AK7: variants seen among roughly 807,000 people sequenced by gnomAD.
The protein encoded by AK7 is adenylate kinase 7.
In AK7, 78 loss-of-function variants were observed where a neutral mutation model predicts 96.6. The ratio of observed to expected loss-of-function variants is 0.81; its 90% CI spans 0.67 to 0.97. The LOEUF (loss-of-function observed/expected upper bound fraction) is 0.97. Among genes scored for constraint, AK7 ranks in the 50% least tolerant of loss-of-function variants. The pLI is 0.00. For missense variants in AK7, 855 were observed against 887.9 expected, an observed-to-expected ratio of 0.96 and a Z score of 0.47; for synonymous variants, 302 against 317.2, an observed-to-expected ratio of 0.95 and a Z score of 0.51.
intron 5 of AK7, among the ~76,000 whole-genome samples, chr14:96,428,969 T>G (rs961262845): frequency 2.0e-5 from 3 of 152,234 alleles, no homozygotes; most frequent in Non-Finnish European, 4.4e-5. Flanking sequence ...TTAGTTTAGT[T>G]AGATCCCATT....
At chr14:96,442,371 C>G (rs1566787120) in intron 6 of AK7, among the ~76,000 whole-genome samples, 1 of 152,236 alleles carries the variant, frequency 6.6e-6, no homozygotes, top group Non-Finnish European at 1.5e-5. Flanking sequence ...AACATTTCTT[C>G]TCTATGTGAA....
chr14:96,434,422 G>C (rs914491850), intron 5 of AK7, among the ~76,000 whole-genome samples: 22 of 149,440 alleles, frequency 1.5e-4, no homozygotes, highest in South Asian at 6.5e-4. Context: ...CTGTCTGTCT[G>C]TCTCTCTCTC....
At position 96,420,876 on chromosome 14, in the gene AK7, C is replaced by A; in HGVS notation, c.553C>A (p.Pro185Thr). ...AGATTATCGAAGAAGAAAGTCTCAT[C>A]CTAATTTTCTGGACCACATAAATGC... ...EEDYRRRKSH[P>T]NFLDHINAEK... Residue 185 changes from proline to threonine, a missense_variant, in exon 5 of 18, where the codon CCT becomes ACT. Physicochemically the swap from Pro to Thr is conservative, Grantham distance 38. Transcript: ENST00000267584. 1.9e-6 allele frequency: 3 copies of A among 1,613,748 alleles called. No individual in the cohort carries two copies. The highest frequency in any genetic ancestry group is 1.3e-5 in the African/African-American group (1 of 75,018).
intron 10 of AK7, among the ~76,000 whole-genome samples, chr14:96,454,547 G>A (rs529465855): frequency 9.9e-5 from 15 of 151,896 alleles, no homozygotes; most frequent in South Asian, 8.3e-4. Flanking sequence ...GTAGGACCAC[G>A]ACTCACTGCA....
Position 96,395,800 on chromosome 14 carries a change from ATTTTTTT to A in AK7, c.106-2251_106-2245del, listed in dbSNP as rs1172936912. Among the ~76,000 whole-genome samples, 7 of 69,038 alleles carry A rather than the reference ATTTTTTT, an allele frequency of 1.0e-4. No homozygotes were observed. In the East Asian group the frequency reaches 1.5e-3, roughly 15 times the overall value. 45.3% of individuals were successfully genotyped at this position (69,038 alleles called of 152,430 possible). On this transcript the variant is annotated intron_variant, in intron 1 of 17. Transcript: ENST00000267584. ...TAAATTAATCCCCTTTTGATTTTGA[ATTTTTTT>A]TTTTTTTTTTTTTTTTTTTTTTTGA...
intron 11 of AK7, 151 bp from the exon 12 acceptor site, chr14:96,457,932 T>C (rs1450306387): frequency 3.2e-6 from 3 of 936,994 alleles, no homozygotes; most frequent in Non-Finnish European, 4.9e-6. Flanking sequence ...TTTGTGGATA[T>C]GTGCATCCTG....
At chr14:96,488,181 G>A (rs972673593) in intron 17 of AK7, 124 bp from the exon 18 acceptor site, 2 of 816,090 alleles carry the variant, frequency 2.5e-6, no homozygotes, top group African/African-American at 3.5e-5. Context: ...CCAAAGTGCT[G>A]GGATTACAGG....
chr14:96,433,612 C>T (rs986997087), intron 5 of AK7, among the ~76,000 whole-genome samples: 11 of 152,102 alleles, frequency 7.2e-5, no homozygotes, highest in Non-Finnish European at 1.3e-4. Flanking sequence ...GCGATGTGTT[C>T]GAACATCCTC....
At chr14:96,471,940 A>AGG (rs1894917249) in intron 13 of AK7, among the ~76,000 whole-genome samples, 1 of 152,158 alleles carries the variant, frequency 6.6e-6, no homozygotes, top group African/African-American at 2.4e-5. Flanking sequence ...GCACACCTCT[A>AGG]GAGCTTATGC....
In AK7 at chr14:96,404,818, T is replaced by A; in HGVS notation, c.356T>A (p.Ile119Asn). 6.2e-7 allele frequency: 1 copy of A among 1,611,044 alleles called. No homozygotes were observed. The highest frequency in any genetic ancestry group is 2.2e-5 in the East Asian group (1 of 44,828). Residue 119 changes from isoleucine to asparagine, a missense_variant, in exon 3 of 18, where the codon ATC becomes AAC. Ile to Asn is a moderately radical substitution (Grantham distance 149, BLOSUM62 -3). Coordinates refer to ENST00000267584, the MANE Select transcript of AK7 (RefSeq NM_152327.5). ...GAGTGTGATGTTATTATTTATAACA[T>A]CACTGAGAGCTCACAGCAAATGGAG... ...LLECDVIIYN[I>N]TESSQQMEEA... is the part of the protein sequence containing the mutation.
intron 12 of AK7, among the ~76,000 whole-genome samples, chr14:96,470,384 A>C (rs1894818206): frequency 6.6e-6 from 1 of 152,188 alleles, no homozygotes; most frequent in South Asian, 2.1e-4. Context: ...TAACTTGTCA[A>C]ACTTACATTA....
chr14:96,488,265 T>C (rs1275323968), intron 17 of AK7, 40 bp from the exon 18 acceptor site: 7 of 1,567,282 alleles, frequency 4.5e-6, no homozygotes, highest in Non-Finnish European at 4.4e-6. Flanking sequence ...TGACTAATAA[T>C]AACTTGTAAA....
chr14:96,396,250 T>C (rs1216062656), intron 1 of AK7, among the ~76,000 whole-genome samples: 2 of 152,206 alleles, frequency 1.3e-5, no homozygotes, highest in Non-Finnish European at 2.9e-5. Context: ...AATTTTCTAG[T>C]TGGTCCTTAA....
At chr14:96,407,828 G>A (rs1890811563) in intron 3 of AK7, among the ~76,000 whole-genome samples, 2 of 151,872 alleles carry the variant, frequency 1.3e-5, no homozygotes, top group South Asian at 2.1e-4. Context: ...TGATCCGCCC[G>A]CCTCGGCCTC....
intron 5 of AK7, among the ~76,000 whole-genome samples, chr14:96,422,937 G>A (rs1359012605): frequency 6.6e-6 from 1 of 152,028 alleles, no homozygotes; most frequent in Admixed American, 6.6e-5. Context: ...TTTCATTCAG[G>A]GTTTTTATTT....
At chr14:96,408,149 G>A (rs746981617) in intron 3 of AK7, among the ~76,000 whole-genome samples, 4 of 152,182 alleles carry the variant, frequency 2.6e-5, no homozygotes, top group Non-Finnish European at 5.9e-5. Flanking sequence ...GGCACACCCC[G>A]AATTACTTCC....
At chr14:96,474,446 TAA>T (rs1170896129) in intron 14 of AK7, among the ~76,000 whole-genome samples, 27 of 101,444 alleles carry the variant, frequency 2.7e-4, no homozygotes, top group Admixed American at 5.4e-4. Context: ...TCATATCTAC[TAA>T]AAAAAAAAAA....
At chr14:96,451,612 A>T in intron 10 of AK7, 42 bp downstream of exon 10, 1 of 1,392,034 alleles carries the variant, frequency 7.2e-7, no homozygotes, top group Non-Finnish European at 9.4e-7. Context: ...GATTCAAGCA[A>T]AATGAATCAA....
At chr14:96,473,603 A>G (rs1438791233) in intron 14 of AK7, among the ~76,000 whole-genome samples, 2 of 151,874 alleles carry the variant, frequency 1.3e-5, no homozygotes, top group Admixed American at 6.6e-5. Context: ...TAGGAAAAAT[A>G]TTAAAAGACA....
Sources: gnomAD v4.1 joint callset for allele counts (sites outside exome capture counted in the v4.1 genomes callset) on GRCh38, gnomAD v4.1.1 for gene constraint, MANE v1.5 for transcripts, NCBI Gene and HGNC (gene_info 2026-07-23, HGNC 2026-07-21) for gene names.